HOPX: variants seen among roughly 807,000 people sequenced by gnomAD.
The protein encoded by HOPX is HOP homeobox.
Under a neutral mutation model 11.8 loss-of-function variants are expected in HOPX, and 5 were observed. That is an observed-to-expected ratio of 0.43 (90% CI 0.22 to 0.89). The LOEUF is 0.89. Among genes scored for constraint, HOPX ranks in the 40% least tolerant of loss-of-function variants. The pLI is 0.28. For synonymous variants in HOPX, 49 were observed against 49.7 expected, an observed-to-expected ratio of 0.99 and a Z score of 0.06; for missense variants, 119 against 120.0, an observed-to-expected ratio of 0.99 and a Z score of 0.04.
In HOPX at chr4:56,648,739, C is replaced by A; in HGVS notation, c.257G>T (p.Cys86Phe). ...ATCTCCTTAGTCTGTGACGGATCTG[C>A]ACTCTGAGGGCAGGCCTTCTGAGCG... Reference protein sequence around the residue: ...WRRSEGLPSECRSVTD With the variant: ...WRRSEGLPSEFRSVTD The change falls in exon 4 of 4, where the codon TGC becomes TTC. Residue 86 changes from cysteine to phenylalanine, a missense_variant. Transcript: ENST00000420433. The A allele has an allele frequency of 6.2e-7, 1 of 1,610,342 alleles. No homozygotes were observed. The highest frequency in any genetic ancestry group is 8.5e-7 in the Non-Finnish European group (1 of 1,176,870).
intron 1 of HOPX, among the ~76,000 whole-genome samples, chr4:56,673,798 G>A (rs932226496): frequency 1.3e-5 from 2 of 152,072 alleles, no homozygotes; most frequent in Admixed American, 6.5e-5. Context: ...TTCGCCTCCC[G>A]GGTTCAAGCG....
At chr4:56,679,709 C>T (rs1454907314) in intron 1 of HOPX, 4 of 152,194 alleles carry the variant, frequency 2.6e-5, no homozygotes, top group Non-Finnish European at 5.9e-5. Context: ...AACTCCTGAC[C>T]TCAAGTGATC....
chr4:56,678,040 ATGCACCTTGG>A (rs1367024379), intron 1 of HOPX, among the ~76,000 whole-genome samples: 2 of 151,674 alleles, frequency 1.3e-5, no homozygotes, highest in East Asian at 3.8e-4. Context: ...TCCTTTAATA[ATGCACCTTGG>A]AGGCCCTGAG....
chr4:56,650,985 T>A (rs889911672), intron 3 of HOPX: 9 of 550,314 alleles, frequency 1.6e-5, no homozygotes, highest in Non-Finnish European at 2.8e-5. Context: ...TGTGGGGGGT[T>A]TCAAGGATGC....
chr4:56,676,735 C>G (rs1017429156), intron 1 of HOPX, among the ~76,000 whole-genome samples: 2 of 151,594 alleles, frequency 1.3e-5, no homozygotes, highest in East Asian at 3.9e-4. Flanking sequence ...CTCCTCCCCA[C>G]TGCTGCTGTC....
chr4:56,675,457 A>G (rs756852756), intron 1 of HOPX, among the ~76,000 whole-genome samples: 37 of 151,704 alleles, frequency 2.4e-4, no homozygotes, highest in Non-Finnish European at 5.3e-4. Flanking sequence ...TCAGGCTCAC[A>G]GCTGCTTCAA....
rs548351659 is a variant in HOPX at position 56,681,041 on chromosome 4, C to T, written c.-84+214G>A. 2.8e-5 allele frequency: 28 copies of T among 985,320 alleles called. No homozygotes were observed. In the African/African-American group the frequency reaches 4.7e-4, roughly 17 times the overall value. The allele number at this position is 985,320 out of a possible 1,614,324, so 61.0% of individuals were successfully genotyped here. On this transcript the variant is annotated intron_variant, in intron 1 of 3. Coordinates refer to ENST00000420433, the MANE Select transcript of HOPX (RefSeq NM_032495.6). ...AACTCCCCTTCCTCCAAATTCCCCTCGACCCCATGCAGTTTTGTTTGTAAG... is the reference window on the plus strand; with the variant it reads ...AACTCCCCTTCCTCCAAATTCCCCTTGACCCCATGCAGTTTTGTTTGTAAG...
intron 1 of HOPX, among the ~76,000 whole-genome samples, chr4:56,673,344 T>TG (rs1718838012): frequency 6.6e-6 from 1 of 152,132 alleles, no homozygotes; most frequent in African/African-American, 2.4e-5. Flanking sequence ...GAGGGGGTCT[T>TG]GTGTATGCCA....
At chr4:56,667,762 C>G (rs758733551) in intron 1 of HOPX, among the ~76,000 whole-genome samples, 2 of 152,130 alleles carry the variant, frequency 1.3e-5, no homozygotes, top group Non-Finnish European at 2.9e-5. Context: ...CCTAACAGAC[C>G]TGCATTTTGC....
intron 2 of HOPX, 157 bp from the exon 3 acceptor site, chr4:56,656,169 G>A: frequency 1.8e-6 from 2 of 1,124,346 alleles, no homozygotes; most frequent in Non-Finnish European, 2.3e-6. Context: ...TGCACGCTGA[G>A]CGGGGGCTTA....
At chr4:56,681,193 G>A in intron 1 of HOPX, 62 bp downstream of exon 1, 6 of 970,860 alleles carry the variant, frequency 6.2e-6, no homozygotes, top group Non-Finnish European at 7.3e-6. Flanking sequence ...ATAGCATTTT[G>A]GTCTAGTTCC....
At chr4:56,669,885 G>A (rs970981119) in intron 1 of HOPX, among the ~76,000 whole-genome samples, 2 of 152,130 alleles carry the variant, frequency 1.3e-5, no homozygotes, top group African/African-American at 4.8e-5. Flanking sequence ...TAGGATGCTG[G>A]AGGAAAGAAC....
intron 3 of HOPX, chr4:56,649,751 G>GTAT (rs1347397252): frequency 1.3e-4 from 20 of 152,368 alleles, no homozygotes; most frequent in African/African-American, 4.8e-4. Flanking sequence ...GAAATCAGTG[G>GTAT]CTGCCTTTAT....
chr4:56,660,768 G>A (rs974913962), intron 1 of HOPX, among the ~76,000 whole-genome samples: 14 of 152,210 alleles, frequency 9.2e-5, no homozygotes, highest in African/African-American at 3.1e-4. Flanking sequence ...TATATGTAAT[G>A]TACATGCAAG....
intron 2 of HOPX, 85 bp from the exon 3 acceptor site, chr4:56,656,097 G>C (rs1204884095): frequency 1.5e-6 from 2 of 1,350,506 alleles, no homozygotes; most frequent in Non-Finnish European, 1.9e-6. Flanking sequence ...GGCGCCGCCG[G>C]GCAGCCCCAG....
In HOPX at chr4:56,667,563, C is replaced by G. The variant is rs1400256773; in HGVS notation, c.-83-9664G>C. 2.0e-5 allele frequency among the ~76,000 whole-genome samples: 3 copies of G among 152,208 alleles called. No individual in the cohort carries two copies. In the East Asian group the frequency reaches 5.8e-4, roughly 29 times the overall value. On this transcript the variant is annotated intron_variant, in intron 1 of 3. Coordinates refer to ENST00000420433, the MANE Select transcript of HOPX (RefSeq NM_032495.6). ...AGCAGGCAGAGGCCCAAGCATAACT[C>G]AGTCTACCAGACAGATTCCTATCCT...
rs1560358173 is a variant in HOPX, at chr4:56,648,795, TTTCTGGAAG to T, written c.199-7_200del. On this transcript the variant is annotated splice_acceptor_variant and splice_polypyrimidine_tract_variant and coding_sequence_variant and intron_variant, in exon 4 of 4. Transcript: ENST00000420433. LOFTEE classifies it high-confidence loss of function. ...ACTTTGCCAGGCGCTGCTTAAACCA[TTTCTGGAAG>T]AGAGAAATGAGAAAAAATATTTGTC... is the stretch of plus-strand genomic sequence containing the variant. 5 of 1,606,676 alleles carry T rather than the reference TTTCTGGAAG, an allele frequency of 3.1e-6. No individual in the cohort carries two copies. Among genetic ancestry groups the T allele is most frequent in the Non-Finnish European group, 4.3e-6 (5 of 1,174,200 alleles).
At chr4:56,677,426 A>G (rs1719073331) in intron 1 of HOPX, among the ~76,000 whole-genome samples, 1 of 151,736 alleles carries the variant, frequency 6.6e-6, no homozygotes, top group Admixed American at 6.6e-5. Flanking sequence ...AATGGTAACT[A>G]TATATAACAT....
intron 3 of HOPX, chr4:56,649,920 C>T (rs1419718132): frequency 2.6e-5 from 4 of 152,312 alleles, no homozygotes; most frequent in African/African-American, 9.7e-5. Context: ...AACAGATGAG[C>T]AAGCATTGAC....
Sources: gnomAD v4.1 joint callset for allele counts (sites outside exome capture counted in the v4.1 genomes callset) on GRCh38, gnomAD v4.1.1 for gene constraint, MANE v1.5 for transcripts, NCBI Gene and HGNC (gene_info 2026-07-23, HGNC 2026-07-21) for gene names.